Variants in PEX1 observed in about 807,000 individuals in gnomAD.
The protein encoded by PEX1 is peroxisomal ATPase PEX1.
In PEX1, 97 loss-of-function variants were observed where a neutral mutation model predicts 152.5. The ratio of observed to expected loss-of-function variants is 0.64; its 90% confidence interval spans 0.54 to 0.75. The LOEUF (loss-of-function observed/expected upper bound fraction) is 0.75. Ranked by LOEUF, PEX1 falls within the 30% of genes least tolerant of loss-of-function variation. The pLI is 0.00. For synonymous variants in PEX1, 485 were observed against 531.6 expected (o/e 0.91, Z 1.21); for missense variants, 1,357 against 1,516.3 (o/e 0.89, Z 1.74).
At chr7:92,511,077 T>C in intron 7 of PEX1, 30 bp from the exon 8 acceptor site, 1 of 975,648 alleles carries the variant, frequency 1.0e-6, no homozygotes, top group Non-Finnish European at 1.7e-6. Context: ...AAATGCAGAG[T>C]TAGTACTGAA....
At position 92,510,960 on chromosome 7, in the gene PEX1, T is replaced by C. The variant is rs1415882679; in HGVS notation, c.1571A>G (p.Gln524Arg). Residue 524 changes from glutamine (Q) to arginine (R), a missense_variant, in exon 8 of 24, where the codon CAG becomes CGG. By Grantham distance (43) the Gln-to-Arg change is conservative. Coordinates refer to ENST00000248633, the MANE Select transcript of PEX1 (RefSeq NM_000466.3). Reference protein sequence around the residue: ...NIFLLSPNLLQKTTIQVLLDP... With the variant: ...NIFLLSPNLLRKTTIQVLLDP... Reference sequence around the variant, plus strand: ...TGCTATTACTTGTATTGTAGTCTTCTGCAGCAAATTGGGACTCAACAGAAA... The same window carrying C: ...TGCTATTACTTGTATTGTAGTCTTCCGCAGCAAATTGGGACTCAACAGAAA... The C allele has an allele frequency of 2.6e-6, 4 of 1,522,352 alleles. No individual in the cohort carries two copies. The highest frequency in any genetic ancestry group is 3.3e-5 in the Admixed American group (2 of 59,826). The allele number at this position is 1,522,352 out of a possible 1,614,324, so 94.3% of individuals were successfully genotyped here.
At position 92,522,094 on chromosome 7, in the gene PEX1, G is replaced by GTGCT. The variant is rs1373553951; in HGVS notation, c.273+4_273+7dup. 9.3e-6 allele frequency: 15 copies of GTGCT among 1,613,418 alleles called. No individual in the cohort carries two copies. Among genetic ancestry groups the GTGCT allele is most frequent in the Non-Finnish European group, 1.0e-5 (12 of 1,179,454 alleles). ...TAGAAGAAAGTTATTGCCATCACATGTGCTTACCTGTCCCCCATTTGAGAG... is the reference window on the plus strand; with the variant it reads ...TAGAAGAAAGTTATTGCCATCACATGTGCTTGCTTACCTGTCCCCCATTTGAGAG... On this transcript the variant is annotated splice_region_variant and intron_variant, in intron 2 of 23. Transcript: ENST00000248633.
intron 15 of PEX1, 33 bp downstream of exon 15, chr7:92,501,474 G>GT: frequency 6.4e-7 from 1 of 1,571,276 alleles, no homozygotes. Context: ...TCTTCTGGGA[G>GT]TAAGTATTCA....
intron 19 of PEX1, chr7:92,493,902 G>C (rs1024490081): frequency 2.8e-5 from 7 of 253,242 alleles, no homozygotes; most frequent in African/African-American, 1.6e-4. Context: ...ACAAGGAAGA[G>C]TTGAAAAATT....
At position 92,494,400 on chromosome 7, in the gene PEX1, G is replaced by C. The variant is rs1033915282; in HGVS notation, c.2927-4C>G. 2.5e-6 allele frequency: 4 copies of C among 1,613,350 alleles called. No homozygotes were observed. The African/African-American group carries it at 5.3e-5, about 22-fold the overall frequency. On this transcript the variant is annotated splice_polypyrimidine_tract_variant and splice_region_variant and intron_variant, in intron 18 of 23. Coordinates refer to ENST00000248633, the MANE Select transcript of PEX1 (RefSeq NM_000466.3). ...GTAGCAGCCAATACATAAACACCTA[G>C]AGGAAAAAAGAACATTTTTTTACCA...
intron 3 of PEX1, 112 bp downstream of exon 3, chr7:92,518,883 A>G (rs1792926900): frequency 1.2e-6 from 1 of 844,678 alleles, no homozygotes. Context: ...ATTCATTCTT[A>G]TAATTCAAAA....
At position 92,517,617 on chromosome 7, in the gene PEX1, C is replaced by T. The variant is rs751506204; in HGVS notation, c.898G>A (p.Ala300Thr). The part of the protein sequence containing the change: ...CKSQPPSIYN[A>T]SATSVFHKHC... Reference sequence around the variant, plus strand: ...TTATGAAAAACAGAGGTTGCTGACGCGTTATATATACTAGGAGGTTGAGAT... The same window carrying T: ...TTATGAAAAACAGAGGTTGCTGACGTGTTATATATACTAGGAGGTTGAGAT... Residue 300 changes from alanine to threonine, a missense_variant, in exon 5 of 24, where the codon GCG becomes ACG. Transcript: ENST00000248633. The T allele has an allele frequency of 4.2e-5, 68 of 1,613,798 alleles. No homozygotes were observed. The highest frequency in any genetic ancestry group is 5.7e-5 in the Non-Finnish European group (67 of 1,179,950).
Position 92,487,743 on chromosome 7 carries a change from A to G in PEX1, c.3768-202T>C, listed in dbSNP as rs533921699. Among the ~76,000 whole-genome samples, 397 of 152,318 alleles carry G rather than the reference A, an allele frequency of 2.6e-3. 1 individual carries two copies. The highest frequency in any genetic ancestry group is 4.9e-3 in the Non-Finnish European group (336 of 68,010). On this transcript the variant is annotated intron_variant, in intron 23 of 23. Transcript: ENST00000248633. ...AATAGAAAACGGAGCAAAGGGGATG[A>G]AGAGACAAGTTAGAAAAGATAAAAT...
chr7:92,509,460 G>A, intron 8 of PEX1, 49 bp from the exon 9 acceptor site: 1 of 1,378,084 alleles, frequency 7.3e-7, no homozygotes, highest in Non-Finnish European at 1.0e-6. Flanking sequence ...TATGTCTTTT[G>A]CATGTTTTTC....
intron 9 of PEX1, 119 bp from the exon 10 acceptor site, chr7:92,507,245 C>CA: frequency 1.4e-6 from 1 of 692,956 alleles, no homozygotes; most frequent in Non-Finnish European, 2.2e-6. Context: ...AATTTTTTAT[C>CA]TTTTTTTTTT....
At chr7:92,526,069 A>G (rs1585265485) in intron 1 of PEX1, among the ~76,000 whole-genome samples, 1 of 152,178 alleles carries the variant, frequency 6.6e-6, no homozygotes, top group African/African-American at 2.4e-5. Context: ...CAAGAGGGCA[A>G]ATTAGCTGCA....
chr7:92,510,467 TAAA>T (rs1187272697), intron 8 of PEX1, among the ~76,000 whole-genome samples: 1 of 149,850 alleles, frequency 6.7e-6, no homozygotes, highest in South Asian at 2.1e-4. Context: ...CACCGTCTTT[TAAA>T]AAAAAAAAAT....
At chr7:92,504,231 T>C (rs774467951) in intron 12 of PEX1, among the ~76,000 whole-genome samples, 10 of 151,904 alleles carry the variant, frequency 6.6e-5, no homozygotes, top group Non-Finnish European at 8.8e-5. Context: ...GTCACCCTGG[T>C]CAAATTAATC....
chr7:92,514,795 T>C (rs1792646476), intron 5 of PEX1, among the ~76,000 whole-genome samples: 1 of 152,170 alleles, frequency 6.6e-6, no homozygotes, highest in Non-Finnish European at 1.5e-5. Flanking sequence ...CTCACGCCTG[T>C]AATCCCAGCA....
chr7:92,493,117 C>T lies in PEX1; in HGVS notation c.3043G>A (p.Glu1015Lys). 6.3e-7 allele frequency: 1 copy of T among 1,596,756 alleles called. No homozygotes were observed. The highest frequency in any genetic ancestry group is 1.1e-5 in the South Asian group (1 of 88,958). Residue 1015 changes from glutamate to lysine, a missense_variant, in exon 20 of 24, where the codon GAA becomes AAA. Physicochemically the swap from Glu to Lys is moderately conservative, Grantham distance 56 (BLOSUM62 1). Transcript: ENST00000248633. ...CPPPDQVSRL[E>K]ILNVLSDSLP... The stretch of plus-strand genomic sequence containing the variant: ...GAGTCACTGAGGACATTTAAAATTT[C>T]AAGACGTGACACCTGAAAGGAGAAA...
At position 92,506,271 on chromosome 7, in the gene PEX1, C is replaced by T. The variant is rs1310822252; in HGVS notation, c.1877G>A (p.Arg626Lys). The T allele has an allele frequency of 6.2e-7, 1 of 1,605,736 alleles. No individual in the cohort carries two copies. ...ACCTCGTAAAGCTTTACAGTCAACT[C>T]TCTCCACATGGGCATCCAGTTTGTC... ...AFDKLDAHVERVDCKALRGKR... is the reference protein window; with the variant it reads ...AFDKLDAHVEKVDCKALRGKR... Residue 626 changes from arginine to lysine, a missense_variant, in exon 11 of 24, where the codon AGA becomes AAA. Transcript: ENST00000248633.
intron 5 of PEX1, among the ~76,000 whole-genome samples, chr7:92,516,780 A>T (rs1251342421): frequency 1.3e-5 from 2 of 152,214 alleles, no homozygotes; most frequent in African/African-American, 4.8e-5. Flanking sequence ...CAGGGTAAGC[A>T]GCTCCTGGAT....
intron 9 of PEX1, 57 bp from the exon 10 acceptor site, chr7:92,507,183 T>A: frequency 6.7e-7 from 1 of 1,493,126 alleles, no homozygotes; most frequent in Non-Finnish European, 9.2e-7. Context: ...AAAATTTAGC[T>A]ATAAAAAAAT....
At position 92,517,967 on chromosome 7, in the gene PEX1, C is replaced by T. The variant is rs371413721; in HGVS notation, c.548G>A (p.Arg183Gln). 7.4e-6 allele frequency: 12 copies of T among 1,611,388 alleles called. No homozygotes were observed. The highest frequency in any genetic ancestry group is 1.7e-4 in the Middle Eastern group (1 of 6,048). ...TTTTGAAAATGTATTCTCTTTGGCT[C>T]GGCGTGTCTTTGGCTGAATAAGGAG... ...TKLLIQPKTR[R>Q]AKENTFSKAD... Residue 183 changes from arginine (R) to glutamine (Q), a missense_variant, in exon 5 of 24, where the codon CGA (arginine) becomes CAA (glutamine). Physicochemically the swap from Arg to Gln is conservative, Grantham distance 43. Transcript: ENST00000248633.
Sources: allele counts gnomAD v4.1 joint callset (sites outside exome capture counted in the v4.1 genomes callset), GRCh38; gene constraint gnomAD v4.1.1; transcripts MANE v1.5; gene names NCBI Gene and HGNC (gene_info 2026-07-23, HGNC 2026-07-21).